DERPC: variants seen among roughly 807,000 people sequenced by gnomAD.
The protein encoded by DERPC is DERPC proline and glycine rich nuclear protein.
Under a neutral mutation model 7.2 loss-of-function variants are expected in DERPC, and 1 was observed. That is an observed-to-expected ratio of 0.14 (90% CI 0.05 to 0.66). The LOEUF (loss-of-function observed/expected upper bound fraction) is 0.66, where lower values mean the gene tolerates loss of function less well. DERPC is among the 30% of genes least tolerant of loss of function. The probability of loss-of-function intolerance (pLI) is 0.84; values close to 1 mark genes in which losing one functional copy is unlikely to be tolerated. For missense variants in DERPC, 502 were observed against 299.4 expected, an observed-to-expected ratio of 1.68 and a Z score of -4.99; for synonymous variants, 185 against 117.6, an observed-to-expected ratio of 1.57 and a Z score of -3.71.
chr16:69,124,830 C>G (rs1961938750), intron 1 of DERPC, among the ~76,000 whole-genome samples: 1 of 152,128 alleles, frequency 6.6e-6, no homozygotes, highest in Admixed American at 6.5e-5. Flanking sequence ...GTTAATCTTC[C>G]TTTTGGATCT....
At chr16:69,130,832 A>C (rs542918866) in intron 1 of DERPC, among the ~76,000 whole-genome samples, 1 of 152,390 alleles carries the variant, frequency 6.6e-6, no homozygotes, top group South Asian at 2.1e-4. Context: ...GCAGCAGGTC[A>C]TCAGAATAAA....
At chr16:69,127,900 G>A (rs541059860) in intron 1 of DERPC, among the ~76,000 whole-genome samples, 5 of 151,254 alleles carry the variant, frequency 3.3e-5, no homozygotes, top group African/African-American at 1.2e-4. Context: ...GTGAACCACC[G>A]TGCCCGGCCA....
intron 1 of DERPC, among the ~76,000 whole-genome samples, chr16:69,125,612 C>T (rs766784181): frequency 6.6e-6 from 1 of 152,204 alleles, no homozygotes; most frequent in Non-Finnish European, 1.5e-5. Context: ...TTGAGTCAGA[C>T]CTTCTGCACC....
chr16:69,125,929 C>A (rs574583941), intron 1 of DERPC, among the ~76,000 whole-genome samples: 13 of 152,146 alleles, frequency 8.5e-5, no homozygotes, highest in Admixed American at 2.6e-4. Context: ...CTTTAAAGAC[C>A]CCAAGTTCTA....
At position 69,118,690 on chromosome 16, in the gene DERPC, C is replaced by T; in HGVS notation, c.*164G>A. 3.0e-6 allele frequency: 2 copies of T among 662,582 alleles called. No homozygotes were observed. The highest frequency in any genetic ancestry group is 5.4e-6 in the Non-Finnish European group (2 of 367,078). 41.0% of individuals were successfully genotyped at this position (662,582 alleles called of 1,614,324 possible). On this transcript the variant is annotated 3_prime_UTR_variant, in exon 3 of 3. Transcript: ENST00000519520. ...TTCACATGCCACAAATAACATCTCA[C>T]CTTCAGTCAAGAAAAACGCAAAGGA...
chr16:69,129,304 C>A lies in DERPC; in HGVS notation c.-280+3180G>T, dbSNP rs139224144. On this transcript the variant is annotated intron_variant, in intron 1 of 2. Transcript: ENST00000519520. ...AATTAGCCGGGCGTGGTGGCAGGTG[C>A]CTGTAGTCCTAGCTACTCAGGAGGC... 2.3e-3 allele frequency among the ~76,000 whole-genome samples: 352 copies of A among 151,682 alleles called. 2 individuals carry two copies. Among genetic ancestry groups the A allele is most frequent in the Non-Finnish European group, 2.8e-3 (189 of 67,904 alleles).
intron 1 of DERPC, among the ~76,000 whole-genome samples, chr16:69,129,001 T>C (rs1332658814): frequency 6.6e-6 from 1 of 151,536 alleles, no homozygotes; most frequent in Non-Finnish European, 1.5e-5. Flanking sequence ...GAGGCGGTAG[T>C]TACAGTGAGC....
Position 69,129,999 on chromosome 16 carries a change from T to G in DERPC, c.-280+2485A>C, listed in dbSNP as rs138173447. Among the ~76,000 whole-genome samples the G allele has an allele frequency of 1.2e-3, 190 of 152,358 alleles. 2 individuals are homozygous for G. Among genetic ancestry groups the G allele is most frequent in the Middle Eastern group, 6.8e-3 (2 of 294 alleles). ...AAGCTTTACCCTCTGCTCCTGAATG[T>G]GAAAGTCAAGAGAATAGAGGACATT... On this transcript the variant is annotated intron_variant, in intron 1 of 2. Transcript: ENST00000519520.
intron 1 of DERPC, among the ~76,000 whole-genome samples, chr16:69,127,107 G>A (rs984178413): frequency 1.5e-4 from 23 of 151,974 alleles, no homozygotes; most frequent in Non-Finnish European, 2.1e-4. Context: ...GCGTGGTGGC[G>A]GGTGCCTGTA....
In DERPC at chr16:69,119,867, C is replaced by G; in HGVS notation, c.562G>C (p.Gly188Arg). 1.4e-6 allele frequency: 1 copy of G among 701,518 alleles called. No homozygotes were observed. The highest frequency in any genetic ancestry group is 2.6e-6 in the Non-Finnish European group (1 of 384,962). The allele number at this position is 701,518 out of a possible 1,614,324, so 43.5% of individuals were successfully genotyped here. A position where few individuals can be genotyped will look rare whatever the true frequency, so the allele number is the denominator to read the frequency against. ...CCATTCCCAGAGGTTAACAGAACAC[C>G]GGCTCTCAGGTTAGGTCCAGATCCA... is the stretch of plus-strand genomic sequence containing the variant. ...GPGSGPNLRA[G>R]VLLTSGNGPP... Residue 188 changes from glycine to arginine, a missense_variant, in exon 3 of 3, where the codon GGT (glycine) becomes CGT (arginine). Physicochemically the swap from Gly to Arg is moderately radical, Grantham distance 125. Coordinates refer to ENST00000519520, the MANE Select transcript of DERPC (RefSeq NM_001002847.4).
chr16:69,126,733 T>G (rs1349293487), intron 1 of DERPC, among the ~76,000 whole-genome samples: 4 of 152,258 alleles, frequency 2.6e-5, no homozygotes, highest in Non-Finnish European at 5.9e-5. Flanking sequence ...GTCAGGAACG[T>G]AGAGGAGGGC....
chr16:69,131,111 T>G (rs1184331517), intron 1 of DERPC, among the ~76,000 whole-genome samples: 4 of 152,220 alleles, frequency 2.6e-5, no homozygotes, highest in Non-Finnish European at 5.9e-5. Context: ...TTACTAAGTC[T>G]AAAATCCTGT....
chr16:69,131,283 AG>A (rs1962490485), intron 1 of DERPC: 1 of 152,136 alleles, frequency 6.6e-6, no homozygotes, highest in Non-Finnish European at 1.5e-5. Flanking sequence ...CCCACGTTGG[AG>A]GGAATCAATT....
At chr16:69,121,201 T>C (rs2152266839) in intron 2 of DERPC, 1 of 1,590,398 alleles carries the variant, frequency 6.3e-7, no homozygotes, top group Non-Finnish European at 8.6e-7. Flanking sequence ...GTTACAATAT[T>C]TTTGAGGGGT....
chr16:69,124,124 GGAT>G (rs1318670431), intron 1 of DERPC, among the ~76,000 whole-genome samples: 5 of 146,042 alleles, frequency 3.4e-5, no homozygotes, highest in Admixed American at 3.3e-4. Flanking sequence ...AAAAAAAAAA[GGAT>G]AATATGCTTT....
At position 69,119,059 on chromosome 16, in the gene DERPC, A is replaced by C; in HGVS notation, c.1370T>G (p.Val457Gly). The C allele has an allele frequency of 1.4e-6, 1 of 703,078 alleles. No individual in the cohort carries two copies. The highest frequency in any genetic ancestry group is 2.6e-6 in the Non-Finnish European group (1 of 385,024). The allele number at this position is 703,078 out of a possible 1,614,324, so 43.6% of individuals were successfully genotyped here. The change falls in exon 3 of 3, where the codon GTG becomes GGG. Residue 457 changes from valine (V) to glycine (G), a missense_variant. Coordinates refer to ENST00000519520, the MANE Select transcript of DERPC (RefSeq NM_001002847.4). ...GHLGPSPAGP[V>G]GINPAPFTRP... ...TGTGAAAGGAGCTGGGTTGATACCC[A>C]CAGGGCCAGCTGGAGAAGGGCCCAG...
chr16:69,120,285 C>T lies in DERPC; in HGVS notation c.144G>A (p.Ser48=), dbSNP rs1413263592. The T allele has an allele frequency of 1.0e-5, 8 of 788,794 alleles. No homozygotes were observed. The highest frequency in any genetic ancestry group is 2.2e-4 in the Middle Eastern group (1 of 4,512). The allele number at this position is 788,794 out of a possible 1,614,324, so 48.9% of individuals were successfully genotyped here. The stretch of plus-strand genomic sequence containing the variant: ...AACCGGCCGCCATAAGGAAGGGATC[C>T]GAGTTCACACCCAGTGGGTGGCCTG... ...LNTGHPLGVN[S]DPFLMAAGSL... The change falls in exon 3 of 3, where the codon TCG becomes TCA. Residue 48 remains serine, a synonymous_variant. Coordinates refer to ENST00000519520, the MANE Select transcript of DERPC (RefSeq NM_001002847.4). The surrounding 1 kb of genome is among the most constrained non-coding windows in gnomAD (Gnocchi z 4.0).
At chr16:69,123,638 A>T (rs891102595) in intron 1 of DERPC, among the ~76,000 whole-genome samples, 2 of 152,088 alleles carry the variant, frequency 1.3e-5, no homozygotes, top group African/African-American at 2.4e-5. Flanking sequence ...ACAGAGTGAG[A>T]CTGTCTCAAA....
At chr16:69,125,421 G>A (rs1961986860) in intron 1 of DERPC, among the ~76,000 whole-genome samples, 1 of 152,170 alleles carries the variant, frequency 6.6e-6, no homozygotes, top group Admixed American at 6.5e-5. Context: ...CAGCTGCTAT[G>A]TGACAGAGTA....
Sources: allele counts gnomAD v4.1 joint callset (sites outside exome capture counted in the v4.1 genomes callset), GRCh38; gene constraint gnomAD v4.1.1; non-coding constraint Gnocchi (gnomAD v3.1); transcripts MANE v1.5; gene names NCBI Gene and HGNC (gene_info 2026-07-23, HGNC 2026-07-21).